PLEKHG4: variants seen among roughly 807,000 people sequenced by gnomAD.
PLEKHG4 encodes pleckstrin homology and RhoGEF domain containing G4, also known as puratrophin-1.
PLEKHG4 carries 85 observed loss-of-function variants against 136.9 expected under a neutral mutation model. The observed-to-expected ratio is 0.62, with a 90% CI of 0.52 to 0.74. The LOEUF (loss-of-function observed/expected upper bound fraction) is 0.74, where lower values mean the gene tolerates loss of function less well. Ranked by LOEUF, PLEKHG4 falls within the 30% of genes least tolerant of loss-of-function variation. The pLI is 0.00. For missense variants in PLEKHG4, 1,317 were observed against 1,527.8 expected (o/e 0.86, Z 2.30); for synonymous variants, 577 against 646.9 (o/e 0.89, Z 1.64).
At position 67,284,888 on chromosome 16, in the gene PLEKHG4, A is replaced by G. The variant is rs147010402; in HGVS notation, c.1868A>G (p.Gln623Arg). ...ATGLGSEAIR[Q>R]ECRWAWARCQ... ...GGGCTGGGCTCAGAGGCCATCCGCC[A>G]GGAGTGCCGCTGGGCCTGGGCGCGG... Residue 623 changes from glutamine to arginine, a missense_variant, in exon 13 of 22, where the codon CAG (glutamine) becomes CGG (arginine). Gln to Arg is a conservative substitution (Grantham distance 43). Transcript: ENST00000379344. The surrounding 1 kb of genome is among the most constrained non-coding windows in gnomAD (Gnocchi z 4.4). 3.9e-4 allele frequency: 631 copies of G among 1,612,818 alleles called. 4 individuals are homozygous for G. The African/African-American group carries it at 7.5e-3, about 19-fold the overall frequency.
At position 67,280,874 on chromosome 16, in the gene PLEKHG4, C is replaced by G; in HGVS notation, c.596-8C>G. ...ATACGGCAGGAGTTCACTGCTTCCT[C>G]CCCACAGGGACTCGGGATGTCCAAG... On this transcript the variant is annotated splice_region_variant and splice_polypyrimidine_tract_variant and intron_variant, in intron 3 of 21. Transcript: ENST00000379344. The surrounding 1 kb of genome is among the most constrained non-coding windows in gnomAD (Gnocchi z 4.4). The G allele has an allele frequency of 6.2e-7, 1 of 1,613,078 alleles. No individual in the cohort carries two copies. Among genetic ancestry groups the G allele is most frequent in the Non-Finnish European group, 8.5e-7 (1 of 1,180,030 alleles).
Position 67,288,838 on chromosome 16 carries a change from C to T in PLEKHG4, c.*30C>T, listed in dbSNP as rs771353444. 2 of 1,612,150 alleles carry T rather than the reference C, an allele frequency of 1.2e-6. No homozygotes were observed. Among genetic ancestry groups the T allele is most frequent in the Non-Finnish European group, 1.7e-6 (2 of 1,179,028 alleles). On this transcript the variant is annotated 3_prime_UTR_variant, in exon 22 of 22. Transcript: ENST00000379344. Reference sequence around the variant, plus strand: ...GGGACTGGACGAGCAGTAGATCCAGCAGCCTGCAGCTCCAAGGAACATTGC... The same window carrying T: ...GGGACTGGACGAGCAGTAGATCCAGTAGCCTGCAGCTCCAAGGAACATTGC...
upstream of PLEKHG4, chr16:67,279,348 A>AGGACGGCGGCGGGCGGGGGTT (rs1309775837): frequency 1.3e-5 from 2 of 151,228 alleles, no homozygotes; most frequent in African/African-American, 4.9e-5. Flanking sequence ...GCCCACGGAG[A>AGGACGGCGGCGGGCGGGGGTT]GGACGGCGGC....
In PLEKHG4 at chr16:67,281,585, G is replaced by A. The variant is rs753475063; in HGVS notation, c.832G>A (p.Val278Met). 5.6e-6 allele frequency: 9 copies of A among 1,613,504 alleles called. No homozygotes were observed. The highest frequency in any genetic ancestry group is 1.7e-5 in the Admixed American group (1 of 59,982). Residue 278 changes from valine (V) to methionine (M), a missense_variant, in exon 6 of 22, where the codon GTG becomes ATG. Physicochemically the swap from Val to Met is conservative, Grantham distance 21. Transcript: ENST00000379344. ...CTTGCAGGAAGCAGCCCCAGGGGCC[G>A]TGTACCAGGTGCTGCTAGTGGGAAG... ...SQLQEAAPGA[V>M]YQVLLVGSTL...
rs1451611702 is a variant in PLEKHG4, at chr16:67,280,616, G to C, written c.499+73G>C. ...TGGAGAGATGAGTGTCAAGACTTTG[G>C]AGGTCTCTGACCCTACTCAGGCTGA... On this transcript the variant is annotated intron_variant, in intron 2 of 21. Coordinates refer to ENST00000379344, the MANE Select transcript of PLEKHG4 (RefSeq NM_001129729.3). The surrounding 1 kb of genome is among the most constrained non-coding windows in gnomAD (Gnocchi z 4.4). 3.7e-6 allele frequency: 6 copies of C among 1,611,966 alleles called. No homozygotes were observed. The highest frequency in any genetic ancestry group is 1.1e-5 in the South Asian group (1 of 91,060).
Position 67,280,807 on chromosome 16 carries a change from G to C in PLEKHG4, c.595+1G>C. On this transcript the variant is annotated splice_donor_variant, in intron 3 of 21. Coordinates refer to ENST00000379344, the MANE Select transcript of PLEKHG4 (RefSeq NM_001129729.3). LOFTEE classifies it high-confidence loss of function. This position sits in a 1 kb window ranked among gnomAD's most constrained non-coding sequence, Gnocchi z 4.4. The stretch of plus-strand genomic sequence containing the variant: ...GCCAGTGGTATGGCCACCTTGCCAG[G>C]TAGCCAGGCGGGCCTAGAGGCGGTG... 6.2e-7 allele frequency: 1 copy of C among 1,613,976 alleles called. No homozygotes were observed. Among genetic ancestry groups the C allele is most frequent in the Non-Finnish European group, 8.5e-7 (1 of 1,180,038 alleles).
At position 67,286,667 on chromosome 16, in the gene PLEKHG4, G is replaced by C; in HGVS notation, c.2754+1G>C. The C allele has an allele frequency of 6.3e-7, 1 of 1,577,576 alleles. No homozygotes were observed. On this transcript the variant is annotated splice_donor_variant, in intron 16 of 21. Coordinates refer to ENST00000379344, the MANE Select transcript of PLEKHG4 (RefSeq NM_001129729.3). LOFTEE classifies it high-confidence loss of function. ...CATGGACGCCATCCAGGGCTGTGAT[G>C]TGAGTCATCCCAGGGCAAGGGCAGT... is the stretch of plus-strand genomic sequence containing the variant.
At chr16:67,283,170 A>G (rs573662552) in intron 11 of PLEKHG4, among the ~76,000 whole-genome samples, 14 of 152,200 alleles carry the variant, frequency 9.2e-5, no homozygotes, top group African/African-American at 2.6e-4. Context: ...ACCAGGCAGA[A>G]GAGGGTTGAG....
chr16:67,282,493 C>T lies in PLEKHG4; in HGVS notation c.1254-10C>T, dbSNP rs1014112495. On this transcript the variant is annotated splice_polypyrimidine_tract_variant and intron_variant, in intron 9 of 21. Transcript: ENST00000379344. ...AGGCAGGGGGTCTAAGATGGTATAC[C>T]CTACACCAGGACGGCAATGGACAAG... 1.4e-5 allele frequency: 23 copies of T among 1,613,646 alleles called. No homozygotes were observed. Among genetic ancestry groups the T allele is most frequent in the Non-Finnish European group, 1.9e-5 (22 of 1,180,034 alleles).
chr16:67,281,858 A>G (rs750548188), intron 7 of PLEKHG4, 21 bp downstream of exon 7: 1 of 1,598,024 alleles, frequency 6.3e-7, no homozygotes, highest in Non-Finnish European at 8.6e-7. Context: ...TGGGTGGGGC[A>G]TGGGGGCAGT....
In PLEKHG4 at chr16:67,287,100, C is replaced by A. The variant is rs761230339; in HGVS notation, c.3026C>A (p.Ala1009Asp). ...GCCAGGGACACCTTTGTGCTGCAGG[C>A]CTCCAGCCTGGCTATCAAGCAGGCC... Reference protein sequence around the residue: ...RKARDTFVLQASSLAIKQAWT... With the variant: ...RKARDTFVLQDSSLAIKQAWT... The change falls in exon 18 of 22, where the codon GCC becomes GAC. Residue 1009 changes from alanine to aspartate, a missense_variant. By Grantham distance (126) the Ala-to-Asp change is moderately radical. Transcript: ENST00000379344. 3.1e-6 allele frequency: 5 copies of A among 1,612,936 alleles called. No individual in the cohort carries two copies. The South Asian group carries it at 4.4e-5, about 14-fold the overall frequency.
In PLEKHG4 at chr16:67,281,723, G is replaced by T; in HGVS notation, c.892-1G>T. Reference sequence around the variant, plus strand: ...GGTCACAACACCTTCTTCTCCTGTAGCTGGAGCAGTTGCCTTCTCAGAGCC... The same window carrying T: ...GGTCACAACACCTTCTTCTCCTGTATCTGGAGCAGTTGCCTTCTCAGAGCC... On this transcript the variant is annotated splice_acceptor_variant, in intron 6 of 21. Transcript: ENST00000379344. LOFTEE classifies it high-confidence loss of function. 6.2e-7 allele frequency: 1 copy of T among 1,614,024 alleles called. No homozygotes were observed. Among genetic ancestry groups the T allele is most frequent in the Non-Finnish European group, 8.5e-7 (1 of 1,179,928 alleles).
chr16:67,285,350 G>T lies in PLEKHG4; in HGVS notation c.2256G>T (p.Glu752Asp). Reference sequence around the variant, plus strand: ...AGCGGGAGTATGTCCGGGCTCTAGAGTACACTATGGAGAACTATTTCCCCG... The same window carrying T: ...AGCGGGAGTATGTCCGGGCTCTAGATTACACTATGGAGAACTATTTCCCCG... ...ATEREYVRAL[E>D]YTMENYFPEL... Residue 752 changes from glutamate (E) to aspartate (D), a missense_variant, in exon 14 of 22, where the codon GAG becomes GAT. By Grantham distance (45) the Glu-to-Asp change is conservative (BLOSUM62 2). Transcript: ENST00000379344. 1 of 1,614,224 alleles carries T rather than the reference G, an allele frequency of 6.2e-7. No homozygotes were observed. The highest frequency in any genetic ancestry group is 1.1e-5 in the South Asian group (1 of 91,092).
In PLEKHG4 at chr16:67,288,300, A is replaced by G; in HGVS notation, c.3354A>G (p.Arg1118=). The change falls in exon 20 of 22, where the codon AGA becomes AGG. Residue 1118 remains arginine (R), a synonymous_variant. Coordinates refer to ENST00000379344, the MANE Select transcript of PLEKHG4 (RefSeq NM_001129729.3). ...GGTCCCTCAACCTGCACCTGTACAGAGACCCAGCTCTTCTGGGTCTCCGCT... is the reference window on the plus strand; with the variant it reads ...GGTCCCTCAACCTGCACCTGTACAGGGACCCAGCTCTTCTGGGTCTCCGCT... ...VLGSLNLHLY[R]DPALLGLRCP... is the part of the protein sequence containing the mutation. 1 of 1,612,902 alleles carries G rather than the reference A, an allele frequency of 6.2e-7. No homozygotes were observed. The highest frequency in any genetic ancestry group is 1.6e-4 in the Middle Eastern group (1 of 6,062).
Position 67,280,276 on chromosome 16 carries a change from G to A in PLEKHG4, c.232G>A (p.Glu78Lys), listed in dbSNP as rs767285009. 6.2e-7 allele frequency: 1 copy of A among 1,613,856 alleles called. No individual in the cohort carries two copies. The highest frequency in any genetic ancestry group is 2.2e-5 in the East Asian group (1 of 44,884). ...ATTCCAGTTACCCCCAGCTGCAGATGAGTCGGGGGATGCCCAGAGGGGCAC... is the reference window on the plus strand; with the variant it reads ...ATTCCAGTTACCCCCAGCTGCAGATAAGTCGGGGGATGCCCAGAGGGGCAC... The part of the protein sequence containing the change: ...RKFQLPPAAD[E>K]SGDAQRGTVE... Residue 78 changes from glutamate (E) to lysine (K), a missense_variant, in exon 2 of 22, where the codon GAG becomes AAG. Transcript: ENST00000379344. This position sits in a 1 kb window ranked among gnomAD's most constrained non-coding sequence, Gnocchi z 4.4.
intron 18 of PLEKHG4, chr16:67,287,496 C>T: frequency 2.0e-6 from 1 of 504,522 alleles, no homozygotes; most frequent in South Asian, 2.1e-5. Context: ...GCCTCCTGAG[C>T]TCAAGCATTC....
In PLEKHG4 at chr16:67,280,786, G is replaced by A. The variant is rs2036176697; in HGVS notation, c.575G>A (p.Ser192Asn). 6.2e-7 allele frequency: 1 copy of A among 1,614,084 alleles called. No homozygotes were observed. Among genetic ancestry groups the A allele is most frequent in the Non-Finnish European group, 8.5e-7 (1 of 1,180,032 alleles). ...GACCTCTGTTGGGAGCTGCTGGCCAGTGGTATGGCCACCTTGCCAGGTAGC... is the reference window on the plus strand; with the variant it reads ...GACCTCTGTTGGGAGCTGCTGGCCAATGGTATGGCCACCTTGCCAGGTAGC... Reference protein sequence around the residue: ...AQDLCWELLASGMATLPGTRD... With the variant: ...AQDLCWELLANGMATLPGTRD... Residue 192 changes from serine (S) to asparagine (N), a missense_variant, in exon 3 of 22, where the codon AGT becomes AAT. Physicochemically the swap from Ser to Asn is conservative, Grantham distance 46. Coordinates refer to ENST00000379344, the MANE Select transcript of PLEKHG4 (RefSeq NM_001129729.3). This position sits in a 1 kb window ranked among gnomAD's most constrained non-coding sequence, Gnocchi z 4.4.
chr16:67,281,688 C>T, intron 6 of PLEKHG4, 36 bp from the exon 7 acceptor site: 2 of 1,613,284 alleles, frequency 1.2e-6, no homozygotes, highest in Non-Finnish European at 1.7e-6. Context: ...GGTGCCTCCC[C>T]CCAGGCCTGG....
chr16:67,281,073 T>C lies in PLEKHG4; in HGVS notation c.720-18T>C. On this transcript the variant is annotated intron_variant, in intron 4 of 21. Coordinates refer to ENST00000379344, the MANE Select transcript of PLEKHG4 (RefSeq NM_001129729.3). ...GAGGACTGGGAGTCAGGTACTGAACTGAAGCTCACCCCTTTAGGCCCGAAG... is the reference window on the plus strand; with the variant it reads ...GAGGACTGGGAGTCAGGTACTGAACCGAAGCTCACCCCTTTAGGCCCGAAG... 6.2e-7 allele frequency: 1 copy of C among 1,613,948 alleles called. No homozygotes were observed. Among genetic ancestry groups the C allele is most frequent in the Non-Finnish European group, 8.5e-7 (1 of 1,179,830 alleles).
Sources: gnomAD v4.1 joint callset for allele counts (sites outside exome capture counted in the v4.1 genomes callset) on GRCh38, gnomAD v4.1.1 for gene constraint, Gnocchi (gnomAD v3.1) non-coding constraint, MANE v1.5 for transcripts, NCBI Gene and HGNC (gene_info 2026-07-23, HGNC 2026-07-21) for gene names.